The following NCAM2 variants were observed in gnomAD, a reference collection of about 807,000 sequenced individuals.
NCAM2 encodes the protein N-CAM-2.
Under a neutral mutation model 98.1 loss-of-function variants are expected in NCAM2, and 30 were observed. The observed-to-expected ratio is 0.31, with a 90% CI of 0.23 to 0.41. NCAM2 has a LOEUF of 0.41. Ranked by LOEUF, NCAM2 falls within the 10% of genes least tolerant of loss-of-function variation. The pLI, the probability that NCAM2 is intolerant of heterozygous loss-of-function variation, is 1.00. For missense variants in NCAM2, 867 were observed against 1,005.8 expected, an observed-to-expected ratio of 0.86 and a Z score of 1.87; for synonymous variants, 368 against 342.4, an observed-to-expected ratio of 1.07 and a Z score of -0.83.
At chr21:21,198,309 A>T (rs2069086796) in intron 1 of NCAM2, among the ~76,000 whole-genome samples, 1 of 151,904 alleles carries the variant, frequency 6.6e-6, no homozygotes, top group African/African-American at 2.4e-5. Context: ...ATGCAATTAA[A>T]GTAAGTATAA....
At chr21:21,127,410 A>G (rs527662934) in intron 1 of NCAM2, among the ~76,000 whole-genome samples, 1 of 152,172 alleles carries the variant, frequency 6.6e-6, no homozygotes, top group African/African-American at 2.4e-5. Context: ...ATCAAACCAG[A>G]GTAACTGGTT....
intron 16 of NCAM2, among the ~76,000 whole-genome samples, chr21:21,522,741 C>G (rs1443821109): frequency 6.8e-6 from 1 of 147,940 alleles, no homozygotes; most frequent in Non-Finnish European, 1.5e-5. Flanking sequence ...AAGCAATTCT[C>G]CTGCCTCAGA....
At chr21:21,126,236 T>TTAAAAAA (rs1555887827) in intron 1 of NCAM2, among the ~76,000 whole-genome samples, 2 of 97,564 alleles carry the variant, frequency 2.0e-5, no homozygotes, top group Non-Finnish European at 3.9e-5. Context: ...TCATGGAACA[T>TTAAAAAA]AAAAAAAAAA....
intron 4 of NCAM2, among the ~76,000 whole-genome samples, chr21:21,291,896 A>G (rs2073310140): frequency 7.5e-6 from 1 of 133,694 alleles, no homozygotes; most frequent in Admixed American, 7.3e-5. Context: ...TTATTCTTTT[A>G]GGAAAAAAAA....
At chr21:21,534,499 A>C (rs1389203883) in intron 16 of NCAM2, 38 bp from the exon 17 acceptor site, 3 of 1,453,494 alleles carry the variant, frequency 2.1e-6, no homozygotes, top group Non-Finnish European at 1.8e-6. Flanking sequence ...ATCCATTTTT[A>C]AATTACACAG....
intron 12 of NCAM2, among the ~76,000 whole-genome samples, chr21:21,438,632 G>C (rs1322698161): frequency 6.6e-6 from 1 of 152,070 alleles, no homozygotes; most frequent in Admixed American, 6.5e-5. Context: ...AAGACTTTTT[G>C]GTTGGGGAAG....
At chr21:21,146,283 A>G (rs2146676924) in intron 1 of NCAM2, among the ~76,000 whole-genome samples, 1 of 151,840 alleles carries the variant, frequency 6.6e-6, no homozygotes, top group Non-Finnish European at 1.5e-5. Context: ...TTTATTTTAT[A>G]TCCAGGGTTT....
At position 21,396,126 on chromosome 21, in the gene NCAM2, A is replaced by G. The variant is rs1266240795; in HGVS notation, c.1196-14148A>G. On this transcript the variant is annotated intron_variant, in intron 9 of 17. Coordinates refer to ENST00000400546, the MANE Select transcript of NCAM2 (RefSeq NM_004540.5). ...CAAACTGTGCATCCGACAAAGGACTAATATCAAGAATCTACAAGGAACCCA... is the reference window on the plus strand; with the variant it reads ...CAAACTGTGCATCCGACAAAGGACTGATATCAAGAATCTACAAGGAACCCA... Among the ~76,000 whole-genome samples, 2 of 151,914 alleles carry G rather than the reference A, an allele frequency of 1.3e-5. 1 individual carries two copies. The highest frequency in any genetic ancestry group is 4.2e-4 in the South Asian group (2 of 4,784).
At chr21:21,397,486 G>T (rs949232168) in intron 9 of NCAM2, among the ~76,000 whole-genome samples, 1 of 152,182 alleles carries the variant, frequency 6.6e-6, no homozygotes, top group Admixed American at 6.5e-5. Context: ...GGTAGCAGGG[G>T]TCTGGTGTGT....
chr21:21,414,949 C>CT (rs34233053), intron 10 of NCAM2, among the ~76,000 whole-genome samples: 8,727 of 147,040 alleles, frequency 0.059, 304 homozygotes, highest in East Asian at 0.13. Context: ...TGAAGGGAAT[C>CT]TTTTTTTTTT....
intron 1 of NCAM2, among the ~76,000 whole-genome samples, chr21:21,069,730 T>G (rs2065518276): frequency 1.3e-5 from 2 of 151,984 alleles, no homozygotes; most frequent in Non-Finnish European, 2.9e-5. Context: ...TTCCTAGGGG[T>G]AGAGGTACAA....
intron 1 of NCAM2, among the ~76,000 whole-genome samples, chr21:21,179,035 A>G (rs2068386650): frequency 6.6e-6 from 1 of 152,138 alleles, no homozygotes; most frequent in African/African-American, 2.4e-5. Context: ...TAACACATAA[A>G]TTCTAATAAT....
intron 8 of NCAM2, among the ~76,000 whole-genome samples, chr21:21,369,612 G>A (rs867145653): frequency 6.6e-6 from 1 of 151,878 alleles, no homozygotes; most frequent in Admixed American, 6.6e-5. Context: ...TGGCCAACAT[G>A]TGTTACTATC....
At chr21:21,421,486 A>G (rs1383253691) in intron 11 of NCAM2, among the ~76,000 whole-genome samples, 1 of 152,132 alleles carries the variant, frequency 6.6e-6, no homozygotes, top group Non-Finnish European at 1.5e-5. Flanking sequence ...TTGAAATTGT[A>G]ATGAAGATAT....
chr21:21,053,650 T>C lies in NCAM2; in HGVS notation c.55+55032T>C, dbSNP rs976812731. 8.7e-5 allele frequency among the ~76,000 whole-genome samples: 13 copies of C among 150,272 alleles called. No individual in the cohort carries two copies. The South Asian group carries it at 1.5e-3, about 17-fold the overall frequency. On this transcript the variant is annotated intron_variant, in intron 1 of 17. Coordinates refer to ENST00000400546, the MANE Select transcript of NCAM2 (RefSeq NM_004540.5). ...ATCATTTCTAATGCGCTATCATTTT[T>C]TCCCTCTCATTTTTTCATTTTTTTT...
At chr21:21,088,974 A>AT (rs2146438558) in intron 1 of NCAM2, among the ~76,000 whole-genome samples, 1 of 152,072 alleles carries the variant, frequency 6.6e-6, no homozygotes, top group East Asian at 1.9e-4. Context: ...CTGTCTCAAA[A>AT]AAAAAAAAGA....
At chr21:21,434,571 T>C (rs942232719) in intron 12 of NCAM2, among the ~76,000 whole-genome samples, 2 of 152,212 alleles carry the variant, frequency 1.3e-5, no homozygotes, top group African/African-American at 4.8e-5. Context: ...ACATGAATTT[T>C]AAATTTGACT....
At chr21:21,450,894 G>A (rs1980959263) in intron 12 of NCAM2, among the ~76,000 whole-genome samples, 1 of 149,572 alleles carries the variant, frequency 6.7e-6, no homozygotes, top group Non-Finnish European at 1.5e-5. Context: ...CACAGTAGAA[G>A]TAGCACATGT....
intron 15 of NCAM2, among the ~76,000 whole-genome samples, chr21:21,486,120 G>A (rs1010269515): frequency 2.0e-5 from 3 of 151,814 alleles, no homozygotes; most frequent in African/African-American, 7.3e-5. Context: ...CGGCTAACAC[G>A]GTAAAACCCC....
Sources: gnomAD v4.1 joint callset for allele counts (sites outside exome capture counted in the v4.1 genomes callset) on GRCh38, gnomAD v4.1.1 for gene constraint, MANE v1.5 for transcripts, NCBI Gene and HGNC (gene_info 2026-07-23, HGNC 2026-07-21) for gene names.